PZP: variants seen among roughly 807,000 people sequenced by gnomAD.
PZP encodes pregnancy zone protein.
In PZP, 150 loss-of-function variants were observed where a neutral mutation model predicts 179.8. That is an observed-to-expected ratio of 0.83 (90% CI 0.73 to 0.96). PZP has a LOEUF of 0.96. PZP is among the 40% of genes least tolerant of loss of function. PZP has a pLI of 0.00. For synonymous variants in PZP, 624 were observed against 652.3 expected (o/e 0.96, Z 0.66); for missense variants, 1,689 against 1,764.0 (o/e 0.96, Z 0.76).
chr12:9,154,357 A>G (rs1344629960), intron 29 of PZP, among the ~76,000 whole-genome samples: 3 of 152,234 alleles, frequency 2.0e-5, no homozygotes, highest in African/African-American at 4.8e-5. Flanking sequence ...AATGTGTCCA[A>G]TGACCATAGC....
At chr12:9,169,870 C>A (rs1941860662) in intron 15 of PZP, 2 of 252,126 alleles carry the variant, frequency 7.9e-6, no homozygotes, top group South Asian at 1.5e-4. Flanking sequence ...TAAAAATAGA[C>A]CAAATATAGA....
chr12:9,165,887 A>G (rs1272855222), intron 18 of PZP, among the ~76,000 whole-genome samples, 165 bp downstream of exon 18: 1 of 152,256 alleles, frequency 6.6e-6, no homozygotes, highest in Non-Finnish European at 1.5e-5. Flanking sequence ...AGACAATTGT[A>G]TTAATGAGCC....
At chr12:9,188,156 C>T (rs1160491891) in intron 13 of PZP, among the ~76,000 whole-genome samples, 1 of 152,204 alleles carries the variant, frequency 6.6e-6, no homozygotes, top group African/African-American at 2.4e-5. Flanking sequence ...TCCAGCAGCA[C>T]ATCAAAAAGC....
the PZP span, among the ~76,000 whole-genome samples, chr12:9,142,916 A>G: frequency 0.25 from 38,544 of 152,132 alleles, 5,617 homozygotes; most frequent in Admixed American, 0.33. Context: ...AGGCCACCAG[A>G]AGTCATTTTA....
chr12:9,172,449 C>T (rs1304766031), intron 15 of PZP, among the ~76,000 whole-genome samples: 1 of 152,134 alleles, frequency 6.6e-6, no homozygotes, highest in Non-Finnish European at 1.5e-5. Context: ...TGCAAAAAAG[C>T]ATCATGATGA....
At chr12:9,201,990 GT>G (rs1944188455) in intron 4 of PZP, among the ~76,000 whole-genome samples, 1 of 152,030 alleles carries the variant, frequency 6.6e-6, no homozygotes, top group Non-Finnish European at 1.5e-5. Context: ...ATAATTCTGT[GT>G]TGCTTTTTTA....
intron 15 of PZP, among the ~76,000 whole-genome samples, chr12:9,174,930 T>C (rs1942260883): frequency 6.6e-6 from 1 of 152,134 alleles, no homozygotes; most frequent in Non-Finnish European, 1.5e-5. Flanking sequence ...TAAACTACCA[T>C]TGACATTCTT....
chr12:9,191,654 T>C (rs985132347), intron 13 of PZP, among the ~76,000 whole-genome samples: 2 of 152,124 alleles, frequency 1.3e-5, no homozygotes, highest in African/African-American at 4.8e-5. Context: ...ATTACAAAAA[T>C]GTTCACGGGT....
intron 23 of PZP, 128 bp from the exon 24 acceptor site, chr12:9,160,618 T>G: frequency 1.2e-6 from 1 of 840,822 alleles, no homozygotes; most frequent in Non-Finnish European, 1.8e-6. Flanking sequence ...ACACAGAGTG[T>G]GACTTCCAGA....
chr12:9,153,743 T>C (rs937288080), intron 29 of PZP, among the ~76,000 whole-genome samples: 1 of 152,160 alleles, frequency 6.6e-6, no homozygotes, highest in Non-Finnish European at 1.5e-5. Flanking sequence ...CTTTCTTGAG[T>C]TTCTTTTTAC....
At chr12:9,176,886 C>G (rs977597653) in intron 15 of PZP, among the ~76,000 whole-genome samples, 18 of 152,224 alleles carry the variant, frequency 1.2e-4, no homozygotes, top group Middle Eastern at 3.4e-3. Context: ...AGGTATTGTA[C>G]CTGAGGAATC....
intron 13 of PZP, 133 bp from the exon 14 acceptor site, chr12:9,182,250 T>C (rs1254215758): frequency 3.9e-6 from 3 of 772,412 alleles, no homozygotes; most frequent in Admixed American, 3.8e-5. Context: ...TGGCTTAGTC[T>C]CTCTATGTGC....
At chr12:9,151,887 TC>T (rs1004049499) in intron 32 of PZP, among the ~76,000 whole-genome samples, 1 of 152,226 alleles carries the variant, frequency 6.6e-6, no homozygotes, top group African/African-American at 2.4e-5. Context: ...TGATTTTTTT[TC>T]CTTCCCAAAT....
At chr12:9,178,664 C>T (rs1284513258) in intron 15 of PZP, among the ~76,000 whole-genome samples, 1 of 152,182 alleles carries the variant, frequency 6.6e-6, no homozygotes, top group Non-Finnish European at 1.5e-5. Context: ...ATTATGGCTA[C>T]AGCACGCGAT....
At chr12:9,149,848 G>C (rs1940216556) in intron 34 of PZP, among the ~76,000 whole-genome samples, 1 of 152,180 alleles carries the variant, frequency 6.6e-6, no homozygotes, top group Admixed American at 6.5e-5. Flanking sequence ...TTGGGAAGAT[G>C]ATCATAATTG....
downstream of PZP, among the ~76,000 whole-genome samples, chr12:9,147,331 C>A (rs6487633): frequency 0.61 from 92,390 of 151,932 alleles, 28,478 homozygotes; most frequent in East Asian, 0.9. Flanking sequence ...CTGGGGAGAA[C>A]CCTCAGAAAA....
chr12:9,182,447 C>T (rs1240853594), intron 13 of PZP, among the ~76,000 whole-genome samples: 1 of 152,110 alleles, frequency 6.6e-6, no homozygotes, highest in Non-Finnish European at 1.5e-5. Flanking sequence ...ATTTTATTTA[C>T]ATTTCAGACT....
intron 17 of PZP, chr12:9,167,023 T>C (rs1319941117): frequency 6.6e-6 from 1 of 152,226 alleles, no homozygotes; most frequent in Non-Finnish European, 1.5e-5. Flanking sequence ...AACAGTTTTC[T>C]CCACTGAAGA....
At position 9,202,629 on chromosome 12, in the gene PZP, C is replaced by A. The variant is rs759313677; in HGVS notation, c.323G>T (p.Gly108Val). 27 of 1,613,866 alleles carry A rather than the reference C, an allele frequency of 1.7e-5. No individual in the cohort carries two copies. The highest frequency in any genetic ancestry group is 2.3e-5 in the Non-Finnish European group (27 of 1,179,962). ...CCTCTTCCTGAAATCTTGCGTAGGC[C>A]CCTTTATCTGGATGCTAAGGAATGC... ...EVAFLSIQIK[G>V]PTQDFRKRNT... The change falls in exon 3 of 36, where the codon GGG becomes GTG. Residue 108 changes from glycine to valine, a missense_variant. By Grantham distance (109) the Gly-to-Val change is moderately radical (BLOSUM62 -3). This residue lies in a region of PZP where 742 missense variants were observed against 730.5 expected (regional missense o/e 1.02). Coordinates refer to ENST00000261336, the MANE Select transcript of PZP (RefSeq NM_002864.3).
Sources: allele counts gnomAD v4.1 joint callset (sites outside exome capture counted in the v4.1 genomes callset), GRCh38; gene constraint gnomAD v4.1.1; regional missense constraint gnomAD v4.1.1; transcripts MANE v1.5; gene names NCBI Gene and HGNC (gene_info 2026-07-23, HGNC 2026-07-21).